Variants in ARL13B observed in about 807,000 individuals in gnomAD.
ARL13B encodes the protein ARF like GTPase 13B, also known as ADP-ribosylation factor-like protein 13B.
In ARL13B, 36 loss-of-function variants were observed where a neutral mutation model predicts 56.1. The ratio of observed to expected loss-of-function variants is 0.64; its 90% CI spans 0.49 to 0.85. The LOEUF (loss-of-function observed/expected upper bound fraction) is 0.85. Among genes scored for constraint, ARL13B ranks in the 40% least tolerant of loss-of-function variants. The probability of loss-of-function intolerance (pLI) is 0.00; values close to 1 mark genes in which losing one functional copy is unlikely to be tolerated. For missense variants in ARL13B, 519 were observed against 507.1 expected, an observed-to-expected ratio of 1.02 and a Z score of -0.23; for synonymous variants, 178 against 171.1, an observed-to-expected ratio of 1.04 and a Z score of -0.32.
At chr3:93,983,286 TC>T in intron 1 of ARL13B, among the ~76,000 whole-genome samples, 1 of 152,100 alleles carries the variant, frequency 6.6e-6, no homozygotes, top group East Asian at 1.9e-4. Flanking sequence ...AAGGCACCAG[TC>T]TAGGTCAGCA....
chr3:93,981,775 G>C (rs552097318), intron 1 of ARL13B, among the ~76,000 whole-genome samples: 1 of 142,046 alleles, frequency 7.0e-6, no homozygotes, highest in African/African-American at 2.6e-5. Context: ...TTCGGAGGCT[G>C]AATCAGTAGG....
At chr3:94,031,290 T>G (rs776926439) in intron 3 of ARL13B, among the ~76,000 whole-genome samples, 1 of 152,174 alleles carries the variant, frequency 6.6e-6, no homozygotes, top group Non-Finnish European at 1.5e-5. Flanking sequence ...GATTTTTTTT[T>G]TTTCTAGAAT....
intron 2 of ARL13B, among the ~76,000 whole-genome samples, chr3:93,996,380 A>G (rs541032086): frequency 3.5e-4 from 53 of 152,266 alleles, no homozygotes; most frequent in African/African-American, 1.3e-3. Flanking sequence ...CTTTTTTTCA[A>G]TATAAGTAAT....
At chr3:93,986,259 A>G (rs1710455287) in intron 1 of ARL13B, among the ~76,000 whole-genome samples, 1 of 152,188 alleles carries the variant, frequency 6.6e-6, no homozygotes, top group African/African-American at 2.4e-5. Flanking sequence ...TGACTTGATC[A>G]GGGCTTAAAA....
At chr3:93,998,820 G>T (rs970346049) in intron 2 of ARL13B, among the ~76,000 whole-genome samples, 5 of 151,438 alleles carry the variant, frequency 3.3e-5, no homozygotes, top group Admixed American at 3.3e-4. Context: ...TGCTTATTTT[G>T]GTGTCACAAT....
intron 3 of ARL13B, among the ~76,000 whole-genome samples, chr3:94,017,359 C>T (rs1393740938): frequency 6.6e-6 from 1 of 152,150 alleles, no homozygotes. Context: ...ACTTTTCAAA[C>T]AAATATTGCT....
intron 1 of ARL13B, among the ~76,000 whole-genome samples, chr3:93,994,057 C>T (rs75749877): frequency 1.3e-5 from 2 of 152,192 alleles, no homozygotes; most frequent in Non-Finnish European, 2.9e-5. Context: ...AAGATAAAGG[C>T]TTCTAGATAA....
At chr3:94,012,599 G>A (rs1286791220) in intron 3 of ARL13B, among the ~76,000 whole-genome samples, 2 of 152,136 alleles carry the variant, frequency 1.3e-5, no homozygotes, top group Non-Finnish European at 2.9e-5. Flanking sequence ...AGTTAATTTT[G>A]TTGCACCTCA....
intron 3 of ARL13B, among the ~76,000 whole-genome samples, chr3:94,011,760 A>G (rs1433862629): frequency 6.6e-6 from 1 of 152,080 alleles, no homozygotes; most frequent in Non-Finnish European, 1.5e-5. Flanking sequence ...CTGGAAGTAT[A>G]GTGGAATCCT....
In ARL13B at chr3:94,053,537, A is replaced by G; in HGVS notation, c.*274A>G. 1 of 574,024 alleles carries G rather than the reference A, an allele frequency of 1.7e-6. No homozygotes were observed. Among genetic ancestry groups the G allele is most frequent in the Non-Finnish European group, 3.3e-6 (1 of 305,318 alleles). The allele number at this position is 574,024 out of a possible 1,614,324, so 35.6% of individuals were successfully genotyped here. The stretch of plus-strand genomic sequence containing the variant: ...TGTTGACTCTGGTTTATACATCCCC[A>G]CTCATGAGCATACTTCTGAAGGAAA... On this transcript the variant is annotated 3_prime_UTR_variant, in exon 10 of 10. Transcript: ENST00000394222.
chr3:93,998,994 TACCTCTCCTCTG>T (rs2076010864), intron 2 of ARL13B, among the ~76,000 whole-genome samples: 1 of 151,582 alleles, frequency 6.6e-6, no homozygotes, highest in Non-Finnish European at 1.5e-5. Flanking sequence ...CAGATGTGTC[TACCTCTCCTCTG>T]ACTGTGTTGC....
chr3:93,989,669 C>T (rs2075833625), intron 1 of ARL13B, among the ~76,000 whole-genome samples: 1 of 151,810 alleles, frequency 6.6e-6, no homozygotes, highest in South Asian at 2.1e-4. Flanking sequence ...TTTAGAGTAG[C>T]TATTGTTATT....
In ARL13B at chr3:94,054,924, A is replaced by G. The variant is rs2107216068; in HGVS notation, c.*1661A>G. On this transcript the variant is annotated 3_prime_UTR_variant, in exon 10 of 10. Coordinates refer to ENST00000394222, the MANE Select transcript of ARL13B (RefSeq NM_001174150.2). ...GGAAAATTGCATAGCTTTTTGTAAC[A>G]TTTACTTAATTTTAAAACTAAACTC... 3.7e-6 allele frequency: 1 copy of G among 268,410 alleles called. No individual in the cohort carries two copies. Among genetic ancestry groups the G allele is most frequent in the African/African-American group, 2.3e-5 (1 of 43,544 alleles). 16.6% of individuals were successfully genotyped at this position (268,410 alleles called of 1,614,324 possible). A position where few individuals can be genotyped will look rare whatever the true frequency, so the allele number is the denominator to read the frequency against.
At chr3:94,025,688 C>T (rs1366020526) in intron 3 of ARL13B, among the ~76,000 whole-genome samples, 3 of 152,084 alleles carry the variant, frequency 2.0e-5, no homozygotes, top group Admixed American at 6.5e-5. Context: ...TCACTACCAA[C>T]GCCCCATGGA....
At position 94,043,204 on chromosome 3, in the gene ARL13B, A is replaced by C. The variant is rs1028728607; in HGVS notation, c.988A>C (p.Asn330His). ...YKEALTQQLK[N>H]EDETDRPSLE... ...GGAGGCATTAACACAGCAGTTAAAG[A>C]ATGAAGATGAGACAGACCGGCCATC... The change falls in exon 7 of 10, where the codon AAT becomes CAT. Residue 330 changes from asparagine to histidine, a missense_variant. Transcript: ENST00000394222. 3.1e-6 allele frequency: 5 copies of C among 1,613,616 alleles called. No individual in the cohort carries two copies.
At chr3:94,042,870 G>T in intron 6 of ARL13B, 145 bp from the exon 7 acceptor site, 1 of 653,636 alleles carries the variant, frequency 1.5e-6, no homozygotes, top group Non-Finnish European at 2.6e-6. Flanking sequence ...TTTTAATGAT[G>T]TATTCATGAA....
intron 5 of ARL13B, among the ~76,000 whole-genome samples, chr3:94,038,059 AATTGGTTCAG>A (rs2076800000): frequency 6.6e-6 from 1 of 152,196 alleles, no homozygotes; most frequent in Admixed American, 6.5e-5. Context: ...AATCCAATCT[AATTGGTTCAG>A]ATAGTCATTT....
At chr3:94,029,039 A>AT (rs1027422237) in intron 3 of ARL13B, among the ~76,000 whole-genome samples, 4 of 151,354 alleles carry the variant, frequency 2.6e-5, no homozygotes, top group Admixed American at 6.6e-5. Context: ...GTTACTTTTA[A>AT]TTTTTTTTAC....
chr3:94,049,575 A>AC, intron 8 of ARL13B, 53 bp downstream of exon 8: 2 of 1,219,372 alleles, frequency 1.6e-6, no homozygotes, highest in Non-Finnish European at 2.4e-6. Context: ...TAAACAACAG[A>AC]GAAAAAAAAA....
Sources: allele counts gnomAD v4.1 joint callset (sites outside exome capture counted in the v4.1 genomes callset), GRCh38; gene constraint gnomAD v4.1.1; transcripts MANE v1.5; gene names NCBI Gene and HGNC (gene_info 2026-07-23, HGNC 2026-07-21).